The following DNAH9 variants were observed in gnomAD, a reference collection of about 807,000 sequenced individuals.
DNAH9 encodes dynein axonemal heavy chain 9.
DNAH9 carries 345 observed loss-of-function variants against 471.6 expected under a neutral mutation model. That is an observed-to-expected ratio of 0.73 (90% confidence interval 0.67 to 0.80). DNAH9 has a LOEUF of 0.80. Ranked by LOEUF, DNAH9 falls within the 30% of genes least tolerant of loss-of-function variation. The probability of loss-of-function intolerance (pLI) is 0.00; values close to 1 mark genes in which losing one functional copy is unlikely to be tolerated. For missense variants in DNAH9, 5,407 were observed against 5,609.2 expected, an observed-to-expected ratio of 0.96 and a Z score of 1.15; for synonymous variants, 2,093 against 2,123.6, an observed-to-expected ratio of 0.99 and a Z score of 0.40.
rs753276964 is a variant in DNAH9 at position 11,952,309 on chromosome 17, C to CTTTTTTTTTTTTTTTTTTTT, written c.12844-9549_12844-9530dup. Among the ~76,000 whole-genome samples, 2 of 71,078 alleles carry CTTTTTTTTTTTTTTTTTTTT rather than the reference C, an allele frequency of 2.8e-5. 1 individual carries two copies. The highest frequency in any genetic ancestry group is 1.2e-4 in the African/African-American group (2 of 16,086). 46.6% of individuals were successfully genotyped at this position (71,078 alleles called of 152,430 possible). ...CATGCACCATTACACCCAGCTAATT[C>CTTTTTTTTTTTTTTTTTTTT]TTTTTTTTTTTTTTTTTTTTTTTTT... On this transcript the variant is annotated intron_variant, in intron 67 of 68. Transcript: ENST00000262442.
At chr17:11,740,450 T>A (rs1231266956) in intron 29 of DNAH9, among the ~76,000 whole-genome samples, 14 of 152,124 alleles carry the variant, frequency 9.2e-5, no homozygotes, top group Non-Finnish European at 1.5e-5. Context: ...GCCACCTTCT[T>A]GCTGTATCCT....
At chr17:11,616,113 C>T (rs1451908279) in intron 4 of DNAH9, among the ~76,000 whole-genome samples, 2 of 152,136 alleles carry the variant, frequency 1.3e-5, no homozygotes, top group African/African-American at 4.8e-5. Flanking sequence ...AACTCTGGGT[C>T]GTCTTCCTTT....
intron 43 of DNAH9, among the ~76,000 whole-genome samples, 158 bp downstream of exon 43, chr17:11,797,951 C>A (rs1191745386): frequency 2.0e-5 from 3 of 152,170 alleles, no homozygotes; most frequent in African/African-American, 7.2e-5. Context: ...AGCTGCAGCT[C>A]CTGCCGCAGA....
At position 11,768,496 on chromosome 17, in the gene DNAH9, A is replaced by T; in HGVS notation, c.7214A>T (p.Glu2405Val). 1 of 1,614,076 alleles carries T rather than the reference A, an allele frequency of 6.2e-7. No individual in the cohort carries two copies. The highest frequency in any genetic ancestry group is 1.1e-5 in the South Asian group (1 of 91,070). Residue 2405 changes from glutamate to valine, a missense_variant, in exon 37 of 69, where the codon GAG becomes GTG. Glu to Val is a moderately radical substitution (Grantham distance 121). Around this residue, in one of 3 missense-constraint regions of DNAH9, gnomAD observed 4,636 missense variants for 4,900.3 expected, o/e 0.95. Transcript: ENST00000262442. ...RAEFSKWWLT[E>V]FKTVKFPSQG... ...GAGTTCAGCAAATGGTGGCTGACTG[A>T]GTTCAAAACAGTCAAGTTTCCTTCC...
chr17:11,698,925 G>A (rs767852389), intron 22 of DNAH9, among the ~76,000 whole-genome samples: 2 of 152,072 alleles, frequency 1.3e-5, no homozygotes, highest in Non-Finnish European at 2.9e-5. Context: ...CCCTTCTGAT[G>A]TGTGTTTGTT....
intron 42 of DNAH9, among the ~76,000 whole-genome samples, chr17:11,796,759 C>A (rs191977586): frequency 1.3e-5 from 2 of 152,204 alleles, no homozygotes; most frequent in Non-Finnish European, 2.9e-5. Flanking sequence ...TCCTCGACAA[C>A]CTTTCCTCTA....
In DNAH9 at chr17:11,663,449, A is replaced by G. The variant is rs114835324; in HGVS notation, c.2596-1384A>G. Among the ~76,000 whole-genome samples the G allele has an allele frequency of 9.4e-3, 1,430 of 152,266 alleles. 28 individuals carry two copies. Among genetic ancestry groups the G allele is most frequent in the African/African-American group, 0.032 (1,341 of 41,536 alleles). The stretch of plus-strand genomic sequence containing the variant: ...AGAAAGCCAGGTGGTGGTGAGGCTC[A>G]CCTTGAGTATGTCCCTTGTTTCAAG... On this transcript the variant is annotated intron_variant, in intron 14 of 68. Transcript: ENST00000262442.
intron 43 of DNAH9, 66 bp downstream of exon 43, chr17:11,797,859 C>T (rs1969302655): frequency 2.0e-6 from 3 of 1,515,454 alleles, no homozygotes; most frequent in Non-Finnish European, 2.7e-6. Flanking sequence ...GGGTCTCATT[C>T]GGCTATTTGA....
chr17:11,732,391 A>G (rs528136683), intron 28 of DNAH9, among the ~76,000 whole-genome samples: 168 of 152,214 alleles, frequency 1.1e-3, no homozygotes, highest in African/African-American at 3.9e-3. Flanking sequence ...AGAAAATTGC[A>G]CCTAATTATT....
rs1967799880 is a variant in DNAH9 at position 11,763,432 on chromosome 17, CTT to C, written c.6996-6_6996-5del. 6.2e-7 allele frequency: 1 copy of C among 1,613,296 alleles called. No individual in the cohort carries two copies. Among genetic ancestry groups the C allele is most frequent in the South Asian group, 1.1e-5 (1 of 90,946 alleles). On this transcript the variant is annotated splice_region_variant and splice_polypyrimidine_tract_variant and intron_variant, in intron 35 of 68. Transcript: ENST00000262442. ...GTGTTTCAGATCCCCTCGGGTCTCTCTTTGCAGGTTTAAGAAGATCATTCCCA... is the reference window on the plus strand; with the variant it reads ...GTGTTTCAGATCCCCTCGGGTCTCTCTGCAGGTTTAAGAAGATCATTCCCA...
At chr17:11,673,672 T>C (rs1421187972) in intron 17 of DNAH9, among the ~76,000 whole-genome samples, 2 of 149,824 alleles carry the variant, frequency 1.3e-5, no homozygotes, top group African/African-American at 4.9e-5. Context: ...AAATATAACA[T>C]ACATACAATT....
intron 4 of DNAH9, among the ~76,000 whole-genome samples, chr17:11,615,622 T>A (rs941007710): frequency 1.3e-5 from 2 of 151,890 alleles, no homozygotes; most frequent in African/African-American, 2.4e-5. Context: ...AGCCCAGCTC[T>A]CTCTCTCTCT....
intron 15 of DNAH9, among the ~76,000 whole-genome samples, chr17:11,668,287 C>G (rs576671658): frequency 2.0e-5 from 3 of 152,140 alleles, no homozygotes; most frequent in African/African-American, 7.2e-5. Flanking sequence ...CAAGCCTGCC[C>G]CTGTTCACCT....
At chr17:11,822,138 C>T (rs1423275823) in intron 46 of DNAH9, 76 bp downstream of exon 46, 25 of 1,508,262 alleles carry the variant, frequency 1.7e-5, no homozygotes, top group Middle Eastern at 1.9e-4. Flanking sequence ...ATTTCGGGCA[C>T]AACTGTCCTT....
chr17:11,945,914 TTA>T (rs955999676), intron 67 of DNAH9, among the ~76,000 whole-genome samples: 2 of 150,088 alleles, frequency 1.3e-5, no homozygotes, highest in African/African-American at 4.9e-5. Flanking sequence ...AAAAAAAAAA[TTA>T]GCCGGGCGTA....
At chr17:11,967,734 G>A (rs1976858004) in intron 68 of DNAH9, among the ~76,000 whole-genome samples, 2 of 152,046 alleles carry the variant, frequency 1.3e-5, no homozygotes, top group African/African-American at 4.8e-5. Context: ...ATACCAATAG[G>A]TTAAAAGAAA....
chr17:11,647,007 C>T (rs1423300077), intron 11 of DNAH9, 65 bp from the exon 12 acceptor site: 2 of 1,568,974 alleles, frequency 1.3e-6, no homozygotes, highest in South Asian at 1.1e-5. Flanking sequence ...TGTTACAGAT[C>T]ATGACCAGGC....
At chr17:11,939,298 C>G (rs1356638268) in intron 66 of DNAH9, among the ~76,000 whole-genome samples, 2 of 152,136 alleles carry the variant, frequency 1.3e-5, no homozygotes, top group African/African-American at 4.8e-5. Flanking sequence ...CTGGAAAAGG[C>G]TGAGACTGTA....
intron 1 of DNAH9, 66 bp downstream of exon 1, chr17:11,598,981 GGACGGAGGC>G: frequency 7.8e-7 from 1 of 1,283,424 alleles, no homozygotes; most frequent in East Asian, 3.1e-5. Flanking sequence ...GAGCCTTAAG[GGACGGAGGC>G]GGGGCCAGAG....
Sources: allele counts gnomAD v4.1 joint callset (sites outside exome capture counted in the v4.1 genomes callset), GRCh38; gene constraint gnomAD v4.1.1; regional missense constraint gnomAD v4.1.1; transcripts MANE v1.5; gene names NCBI Gene and HGNC (gene_info 2026-07-23, HGNC 2026-07-21).